The following ICA1L variants were observed in gnomAD, a reference collection of about 807,000 sequenced individuals.
ICA1L encodes the protein islet cell autoantigen 1-like protein.
In ICA1L, 50 loss-of-function variants were observed where a neutral mutation model predicts 61.3. That is an observed-to-expected ratio of 0.82 (90% CI 0.65 to 1.03). ICA1L has a LOEUF of 1.03. Ranked by LOEUF, ICA1L falls within the 50% of genes least tolerant of loss-of-function variation. The pLI is 0.00. For missense variants in ICA1L, 508 were observed against 556.7 expected (o/e 0.91, Z 0.88); for synonymous variants, 161 against 191.3 (o/e 0.84, Z 1.31).
In ICA1L at chr2:202,788,995, T is replaced by G. The variant is rs1206994795; in HGVS notation, c.1078A>C (p.Ser360Arg). 1 of 1,613,950 alleles carries G rather than the reference T, an allele frequency of 6.2e-7. No individual in the cohort carries two copies. The highest frequency in any genetic ancestry group is 1.7e-5 in the Admixed American group (1 of 59,970). ...CATTCTTGGGTAAATTCACTAGTAC[T>G]TGAAGAACCAGAACTTAGGAGGTTG... ...LNNLLSSGSS[S>R]TSEFTQECQT... Residue 360 changes from serine to arginine, a missense_variant, in exon 11 of 13, where the codon AGT (serine) becomes CGT (arginine). Ser to Arg is a moderately radical substitution (Grantham distance 110, BLOSUM62 -1). Coordinates refer to ENST00000358299, the MANE Select transcript of ICA1L (RefSeq NM_001288622.3).
At chr2:202,869,193 C>T (rs564639904) in intron 1 of ICA1L, among the ~76,000 whole-genome samples, 8 of 151,780 alleles carry the variant, frequency 5.3e-5, no homozygotes, top group East Asian at 1.9e-4. Context: ...CCCGACTCTA[C>T]TAAAAATACA....
intron 1 of ICA1L, among the ~76,000 whole-genome samples, chr2:202,839,463 C>A (rs1405144111): frequency 7.0e-6 from 1 of 143,488 alleles, no homozygotes. Flanking sequence ...TGCACCACTG[C>A]ACTCCAGCCT....
At position 202,814,803 on chromosome 2, in the gene ICA1L, A is replaced by T; in HGVS notation, c.784-19T>A. The T allele has an allele frequency of 6.7e-7, 1 of 1,491,084 alleles. No individual in the cohort carries two copies. The allele number at this position is 1,491,084 out of a possible 1,614,324, so 92.4% of individuals were successfully genotyped here. A position where few individuals can be genotyped will look rare whatever the true frequency, so the allele number is the denominator to read the frequency against. ...GTAGTTGCTAAAGATAAGAAAGTCA[A>T]TGTTAAGTATATAGAATGAATCTGT... On this transcript the variant is annotated intron_variant, in intron 7 of 12. Transcript: ENST00000358299.
At chr2:202,789,749 A>G (rs1302880634) in intron 10 of ICA1L, among the ~76,000 whole-genome samples, 7 of 152,242 alleles carry the variant, frequency 4.6e-5, no homozygotes, top group African/African-American at 1.7e-4. Flanking sequence ...ATAATGATGA[A>G]GAAAATATTT....
chr2:202,795,023 G>GA (rs1692880664), intron 10 of ICA1L, among the ~76,000 whole-genome samples: 4 of 149,414 alleles, frequency 2.7e-5, no homozygotes, highest in African/African-American at 9.8e-5. Flanking sequence ...AAAAAAGGAG[G>GA]GGGGATTCTA....
intron 1 of ICA1L, among the ~76,000 whole-genome samples, chr2:202,845,253 G>C (rs996688202): frequency 6.6e-6 from 1 of 152,100 alleles, no homozygotes; most frequent in African/African-American, 2.4e-5. Context: ...GACATCTTTG[G>C]AAGGCCATTA....
intron 10 of ICA1L, among the ~76,000 whole-genome samples, chr2:202,793,221 A>G (rs888090352): frequency 6.6e-6 from 1 of 152,174 alleles, no homozygotes; most frequent in Non-Finnish European, 1.5e-5. Context: ...CACAAAATGA[A>G]TAACTTCTTA....
intron 1 of ICA1L, among the ~76,000 whole-genome samples, chr2:202,851,738 G>C (rs908787229): frequency 6.6e-6 from 1 of 152,138 alleles, no homozygotes; most frequent in Non-Finnish European, 1.5e-5. Context: ...TGGTGGTTTT[G>C]ATTTGCATTT....
At chr2:202,841,812 G>A in intron 1 of ICA1L, 1 of 322,980 alleles carries the variant, frequency 3.1e-6, no homozygotes, top group Non-Finnish European at 6.0e-6. Context: ...CAGGTGGGCT[G>A]AACCAGATGG....
At chr2:202,832,533 G>C (rs938448470) in intron 1 of ICA1L, among the ~76,000 whole-genome samples, 4 of 151,114 alleles carry the variant, frequency 2.6e-5, no homozygotes, top group Admixed American at 6.6e-5. Context: ...AAAGTAGGAT[G>C]TATGCACAAT....
chr2:202,811,886 C>T (rs1027050424), intron 8 of ICA1L, 97 bp from the exon 9 acceptor site: 3 of 838,680 alleles, frequency 3.6e-6, no homozygotes, highest in Admixed American at 2.2e-5. Flanking sequence ...AAATTTTCTA[C>T]TCAGGAAACA....
intron 1 of ICA1L, among the ~76,000 whole-genome samples, chr2:202,862,616 G>A (rs1472815019): frequency 6.7e-6 from 1 of 150,256 alleles, no homozygotes; most frequent in African/African-American, 2.5e-5. Flanking sequence ...GCGGGTGGAT[G>A]GCCTGAGGTC....
At position 202,849,134 on chromosome 2, in the gene ICA1L, A is replaced by G. The variant is rs1009020518; in HGVS notation, c.-7-20118T>C. 1.3e-5 allele frequency among the ~76,000 whole-genome samples: 2 copies of G among 152,224 alleles called. No homozygotes were observed. Among genetic ancestry groups the G allele is most frequent in the Admixed American group, 6.5e-5 (1 of 15,286 alleles). On this transcript the variant is annotated intron_variant, in intron 1 of 12. Transcript: ENST00000358299. The surrounding 1 kb of genome is among the most constrained non-coding windows in gnomAD (Gnocchi z 4.5). ...TCACAGTTTTTGCAATCCGCAGACC[A>G]GAAGATTCCCACATGTGCCTATACC...
In ICA1L at chr2:202,774,806, C is replaced by T. The variant is rs1406696501; in HGVS notation, c.*4727G>A. Reference sequence around the variant, plus strand: ...TCACACTGGGCCAGGTGCTCACAGCCTGTTTGTGGAGATGTTGAGGCAGCA... The same window carrying T: ...TCACACTGGGCCAGGTGCTCACAGCTTGTTTGTGGAGATGTTGAGGCAGCA... On this transcript the variant is annotated 3_prime_UTR_variant, in exon 13 of 13. Transcript: ENST00000358299. 1 of 153,212 alleles carries T rather than the reference C, an allele frequency of 6.5e-6. No homozygotes were observed. The highest frequency in any genetic ancestry group is 2.4e-5 in the African/African-American group (1 of 41,486). 9.5% of individuals were successfully genotyped at this position (153,212 alleles called of 1,614,324 possible).
chr2:202,847,369 A>G (rs186103907), intron 1 of ICA1L, among the ~76,000 whole-genome samples: 14 of 152,358 alleles, frequency 9.2e-5, no homozygotes, highest in African/African-American at 3.1e-4. Context: ...GATCAAGAAC[A>G]TCAGAGTTTT....
At chr2:202,869,503 A>T (rs1384228629) in intron 1 of ICA1L, 1 of 152,240 alleles carries the variant, frequency 6.6e-6, no homozygotes, top group Admixed American at 6.5e-5. Context: ...TAAAAAACAC[A>T]AAACACAGAT....
intron 1 of ICA1L, among the ~76,000 whole-genome samples, chr2:202,867,699 C>G (rs982566020): frequency 6.6e-6 from 1 of 152,158 alleles, no homozygotes; most frequent in Non-Finnish European, 1.5e-5. Context: ...CCCATTTGAT[C>G]TTGCTAACAA....
chr2:202,807,386 G>T (rs529697476), intron 9 of ICA1L, among the ~76,000 whole-genome samples: 2 of 152,192 alleles, frequency 1.3e-5, no homozygotes, highest in Non-Finnish European at 2.9e-5. Context: ...ACATGGGGCA[G>T]AATTCAGCCA....
Position 202,773,254 on chromosome 2 carries a change from A to AT in ICA1L, c.*6278dup, listed in dbSNP as rs994136942. On this transcript the variant is annotated 3_prime_UTR_variant, in exon 13 of 13. Coordinates refer to ENST00000358299, the MANE Select transcript of ICA1L (RefSeq NM_001288622.3). ...AACTAAATTTTTGTAAGTACATGAA[A>AT]TTTCTATTTGATTATGTGGTTTTAT... The AT allele has an allele frequency of 6.6e-6, 1 of 152,208 alleles. No individual in the cohort carries two copies. The highest frequency in any genetic ancestry group is 1.5e-5 in the Non-Finnish European group (1 of 68,044). The allele number at this position is 152,208 out of a possible 1,614,324, so 9.4% of individuals were successfully genotyped here. A position where few individuals can be genotyped will look rare whatever the true frequency, so the allele number is the denominator to read the frequency against.
Sources: allele counts gnomAD v4.1 joint callset (sites outside exome capture counted in the v4.1 genomes callset), GRCh38; gene constraint gnomAD v4.1.1; non-coding constraint Gnocchi (gnomAD v3.1); transcripts MANE v1.5; gene names NCBI Gene and HGNC (gene_info 2026-07-23, HGNC 2026-07-21).